EEFSEC: variants seen among roughly 807,000 people sequenced by gnomAD.
EEFSEC encodes selenocysteine-specific elongation factor.
In EEFSEC, 43 loss-of-function variants were observed where a neutral mutation model predicts 42.1. The ratio of observed to expected loss-of-function variants is 1.02; its 90% CI spans 0.80 to 1.32. EEFSEC has a LOEUF of 1.32. Among genes scored for constraint, EEFSEC ranks in the 40% most tolerant of loss-of-function variants. The probability of loss-of-function intolerance (pLI) is 0.00; values close to 1 mark genes in which losing one functional copy is unlikely to be tolerated. For missense variants in EEFSEC, 745 were observed against 803.6 expected, an observed-to-expected ratio of 0.93 and a Z score of 0.88; for synonymous variants, 354 against 339.1, an observed-to-expected ratio of 1.04 and a Z score of -0.48.
intron 4 of EEFSEC, among the ~76,000 whole-genome samples, chr3:128,303,602 G>A (rs1217656524): frequency 6.6e-6 from 1 of 152,180 alleles, no homozygotes; most frequent in African/African-American, 2.4e-5. Context: ...TTCTGTGAGT[G>A]AGGAAATGAG....
intron 4 of EEFSEC, among the ~76,000 whole-genome samples, chr3:128,291,871 G>A (rs2066647805): frequency 6.6e-6 from 1 of 152,112 alleles, no homozygotes; most frequent in South Asian, 2.1e-4. Context: ...TGATGTTAGG[G>A]GCAAAATGTT....
intron 1 of EEFSEC, among the ~76,000 whole-genome samples, chr3:128,219,627 T>C (rs1576554561): frequency 6.6e-6 from 1 of 152,344 alleles, no homozygotes; most frequent in East Asian, 1.9e-4. Flanking sequence ...GTGCAGCTTT[T>C]ATCTCTCTGT....
intron 1 of EEFSEC, among the ~76,000 whole-genome samples, chr3:128,197,708 G>A (rs2811509): frequency 0.28 from 42,670 of 152,030 alleles, 6,188 homozygotes; most frequent in South Asian, 0.37. Flanking sequence ...TTCAAGCCCC[G>A]TTTCTTGTCA....
intron 4 of EEFSEC, among the ~76,000 whole-genome samples, chr3:128,305,228 GT>G (rs941992201): frequency 1.2e-4 from 19 of 152,012 alleles, no homozygotes; most frequent in African/African-American, 4.6e-4. Flanking sequence ...ATATTAATAT[GT>G]TTTCTAGTAT....
chr3:128,310,473 C>T lies in EEFSEC; in HGVS notation c.787-30760C>T, dbSNP rs57450896. Among the ~76,000 whole-genome samples the T allele has an allele frequency of 3.1e-3, 472 of 152,350 alleles. 1 individual carries two copies. Among genetic ancestry groups the T allele is most frequent in the African/African-American group, 0.011 (438 of 41,572 alleles). ...CCAAGAGATTGCCTCTTAGCAACCT[C>T]GTGCCAGTGGCCTTGCGCCTATCCC... On this transcript the variant is annotated intron_variant, in intron 4 of 6. Coordinates refer to ENST00000254730, the MANE Select transcript of EEFSEC (RefSeq NM_021937.5).
intron 1 of EEFSEC, among the ~76,000 whole-genome samples, chr3:128,159,600 T>A (rs1944443924): frequency 6.6e-6 from 1 of 152,226 alleles, no homozygotes; most frequent in Non-Finnish European, 1.5e-5. Context: ...GGTCTGGCTC[T>A]GCTTTCCTCT....
At chr3:128,214,508 CACAT>C (rs1202223351) in intron 1 of EEFSEC, among the ~76,000 whole-genome samples, 1 of 152,076 alleles carries the variant, frequency 6.6e-6, no homozygotes, top group Non-Finnish European at 1.5e-5. Context: ...CATTCAGTGA[CACAT>C]ACTAATATAA....
At chr3:128,309,367 G>C (rs1362168860) in intron 4 of EEFSEC, among the ~76,000 whole-genome samples, 3 of 152,182 alleles carry the variant, frequency 2.0e-5, no homozygotes, top group African/African-American at 7.2e-5. Context: ...AGGAAGCCTA[G>C]AGCAGGAAAA....
chr3:128,271,474 G>T (rs966949706), intron 4 of EEFSEC, among the ~76,000 whole-genome samples: 1 of 152,098 alleles, frequency 6.6e-6, no homozygotes, highest in Non-Finnish European at 1.5e-5. Flanking sequence ...TGGTTGTCTG[G>T]CTTTTGGCAG....
intron 1 of EEFSEC, among the ~76,000 whole-genome samples, chr3:128,203,573 A>G (rs970378964): frequency 6.6e-6 from 1 of 152,212 alleles, no homozygotes; most frequent in African/African-American, 2.4e-5. Flanking sequence ...GTCTGTAGGA[A>G]GTAAATCATC....
intron 1 of EEFSEC, among the ~76,000 whole-genome samples, chr3:128,182,185 C>T (rs2065413805): frequency 6.6e-6 from 1 of 152,178 alleles, no homozygotes; most frequent in African/African-American, 2.4e-5. Context: ...TAATCAAGTT[C>T]CATGTTTGAG....
At chr3:128,323,537 C>G (rs1190699076) in intron 4 of EEFSEC, among the ~76,000 whole-genome samples, 1 of 152,216 alleles carries the variant, frequency 6.6e-6, no homozygotes, top group Non-Finnish European at 1.5e-5. Context: ...TTCACTCTGT[C>G]AATCCTAACA....
At chr3:128,328,528 G>T (rs1356383480) in intron 4 of EEFSEC, among the ~76,000 whole-genome samples, 1 of 152,200 alleles carries the variant, frequency 6.6e-6, no homozygotes, top group Non-Finnish European at 1.5e-5. Context: ...ACAATGGAAT[G>T]TCATAAAGCT....
At chr3:128,362,615 C>A (rs1052370657) in intron 6 of EEFSEC, among the ~76,000 whole-genome samples, 1 of 152,210 alleles carries the variant, frequency 6.6e-6, no homozygotes, top group Non-Finnish European at 1.5e-5. Flanking sequence ...TTGAGGGGCA[C>A]GCGGAGCTTA....
intron 1 of EEFSEC, among the ~76,000 whole-genome samples, chr3:128,220,462 G>A (rs1011862582): frequency 3.3e-5 from 5 of 152,176 alleles, no homozygotes; most frequent in Non-Finnish European, 7.3e-5. Flanking sequence ...CACAGAGAGA[G>A]TCACAGGAAA....
intron 4 of EEFSEC, among the ~76,000 whole-genome samples, chr3:128,269,925 C>T (rs1280850224): frequency 2.0e-5 from 3 of 152,180 alleles, no homozygotes; most frequent in African/African-American, 7.2e-5. Context: ...GTTGTAACAT[C>T]AGAAACTGTT....
chr3:128,301,639 A>C (rs1197472770), intron 4 of EEFSEC, among the ~76,000 whole-genome samples: 1 of 152,116 alleles, frequency 6.6e-6, no homozygotes, highest in African/African-American at 2.4e-5. Flanking sequence ...TGTCCTCCTT[A>C]GGCACCTCTT....
At chr3:128,247,429 T>C (rs1180283667) in intron 2 of EEFSEC, among the ~76,000 whole-genome samples, 1 of 152,182 alleles carries the variant, frequency 6.6e-6, no homozygotes, top group Non-Finnish European at 1.5e-5. Context: ...TTGGCCATAC[T>C]TTGGTGCAAG....
At chr3:128,179,745 G>C (rs1478212880) in intron 1 of EEFSEC, among the ~76,000 whole-genome samples, 1 of 152,220 alleles carries the variant, frequency 6.6e-6, no homozygotes, top group East Asian at 1.9e-4. Flanking sequence ...AGTTATCTTG[G>C]TGAGGTATTG....
Sources: gnomAD v4.1 joint callset for allele counts (sites outside exome capture counted in the v4.1 genomes callset) on GRCh38, gnomAD v4.1.1 for gene constraint, MANE v1.5 for transcripts, NCBI Gene and HGNC (gene_info 2026-07-23, HGNC 2026-07-21) for gene names.